The following GPC5 variants were observed in gnomAD, a reference collection of about 807,000 sequenced individuals.
GPC5 encodes the protein glypican 5.
In GPC5, 47 loss-of-function variants were observed where a neutral mutation model predicts 53.9. The observed-to-expected ratio is 0.87, with a 90% CI of 0.69 to 1.11. GPC5 has a LOEUF of 1.11. Ranked by LOEUF, GPC5 falls within the 50% of genes most tolerant of loss-of-function variation. The pLI, the probability that GPC5 is intolerant of heterozygous loss-of-function variation, is 0.00. For missense variants in GPC5, 748 were observed against 713.1 expected, an observed-to-expected ratio of 1.05 and a Z score of -0.56; for synonymous variants, 286 against 263.3, an observed-to-expected ratio of 1.09 and a Z score of -0.84.
chr13:91,666,151 G>C (rs555495899), intron 2 of GPC5, among the ~76,000 whole-genome samples: 1 of 152,252 alleles, frequency 6.6e-6, no homozygotes, highest in South Asian at 2.1e-4. Context: ...ACTTCTGAAG[G>C]CCACTTCCAC....
intron 6 of GPC5, among the ~76,000 whole-genome samples, chr13:91,974,445 A>G (rs1250246293): frequency 1.3e-5 from 2 of 152,040 alleles, no homozygotes; most frequent in African/African-American, 4.8e-5. Context: ...ATCAATGTAC[A>G]AAAATCACAA....
chr13:92,507,766 T>G (rs1880424204), intron 7 of GPC5, among the ~76,000 whole-genome samples: 1 of 152,140 alleles, frequency 6.6e-6, no homozygotes, highest in South Asian at 2.1e-4. Flanking sequence ...GCTTTGCTGA[T>G]TCATAGGAAT....
chr13:92,710,277 A>G (rs1002973073), intron 7 of GPC5, among the ~76,000 whole-genome samples: 4 of 152,128 alleles, frequency 2.6e-5, no homozygotes, highest in African/African-American at 9.6e-5. Flanking sequence ...TGGTATTACT[A>G]ATTCAAAAGA....
intron 2 of GPC5, among the ~76,000 whole-genome samples, chr13:91,562,165 C>A (rs1391179256): frequency 6.9e-5 from 3 of 43,558 alleles, no homozygotes; most frequent in Admixed American, 3.2e-4. Context: ...AACATGTTAT[C>A]AAAAGAGAAA....
intron 7 of GPC5, among the ~76,000 whole-genome samples, chr13:92,677,777 C>G (rs1886995318): frequency 7.0e-6 from 1 of 142,160 alleles, no homozygotes; most frequent in African/African-American, 2.5e-5. Context: ...GACGCCACCC[C>G]ACCCATGTGC....
intron 6 of GPC5, among the ~76,000 whole-genome samples, chr13:92,076,360 C>T (rs930956756): frequency 1.3e-5 from 2 of 152,046 alleles, no homozygotes; most frequent in African/African-American, 2.4e-5. Context: ...CGTGAGCCAC[C>T]GCGCCTGGCG....
intron 6 of GPC5, among the ~76,000 whole-genome samples, chr13:91,987,807 AC>A (rs1162071991): frequency 6.9e-6 from 1 of 145,382 alleles, no homozygotes; most frequent in Non-Finnish European, 1.5e-5. Context: ...ATGTATAAAT[AC>A]CATATATAGT....
intron 7 of GPC5, among the ~76,000 whole-genome samples, chr13:92,401,043 A>C (rs1875533435): frequency 6.6e-6 from 1 of 152,190 alleles, no homozygotes; most frequent in Non-Finnish European, 1.5e-5. Context: ...CAATAATGTA[A>C]AATCATGAAA....
intron 5 of GPC5, among the ~76,000 whole-genome samples, chr13:91,871,915 C>T (rs1016231561): frequency 2.6e-5 from 4 of 151,724 alleles, no homozygotes; most frequent in Admixed American, 6.6e-5. Flanking sequence ...AAAGAAGAAA[C>T]GCAAAATTCT....
At chr13:92,252,732 G>C (rs780027552) in intron 7 of GPC5, among the ~76,000 whole-genome samples, 1 of 152,056 alleles carries the variant, frequency 6.6e-6, no homozygotes, top group Admixed American at 6.6e-5. Context: ...AGTAGGATTT[G>C]GTAATGCACA....
intron 7 of GPC5, among the ~76,000 whole-genome samples, chr13:92,611,154 G>A (rs1884422688): frequency 6.6e-6 from 1 of 152,042 alleles, no homozygotes; most frequent in Admixed American, 6.6e-5. Context: ...AGCAATAACT[G>A]TGGTATGGCA....
chr13:91,473,225 G>A (rs903420736), intron 2 of GPC5, among the ~76,000 whole-genome samples: 2 of 152,074 alleles, frequency 1.3e-5, no homozygotes, highest in African/African-American at 2.4e-5. Flanking sequence ...CCCTTGACAC[G>A]TGGGGATTAT....
intron 5 of GPC5, among the ~76,000 whole-genome samples, chr13:91,799,030 C>T (rs2038092539): frequency 1.3e-5 from 2 of 152,102 alleles, no homozygotes; most frequent in African/African-American, 4.8e-5. Flanking sequence ...GTCACACACA[C>T]TCATATGTTC....
At chr13:92,318,475 A>G (rs552503096) in intron 7 of GPC5, among the ~76,000 whole-genome samples, 20 of 152,340 alleles carry the variant, frequency 1.3e-4, no homozygotes, top group African/African-American at 4.3e-4. Context: ...ACAAATAAGT[A>G]GGAAGCTGTG....
At chr13:92,426,338 C>T (rs561295846) in intron 7 of GPC5, among the ~76,000 whole-genome samples, 1 of 152,168 alleles carries the variant, frequency 6.6e-6, no homozygotes, top group East Asian at 1.9e-4. Flanking sequence ...TGAGCCTGCT[C>T]TTTGCAGATC....
chr13:91,803,108 T>G (rs775381263), intron 5 of GPC5, among the ~76,000 whole-genome samples: 39 of 152,168 alleles, frequency 2.6e-4, no homozygotes, highest in Non-Finnish European at 5.0e-4. Flanking sequence ...TGCTTAACTT[T>G]TAGTAATTAT....
chr13:92,728,759 G>A (rs1034651091), intron 7 of GPC5, among the ~76,000 whole-genome samples: 5 of 151,092 alleles, frequency 3.3e-5, no homozygotes, highest in East Asian at 3.9e-4. Flanking sequence ...TCTAAATTTC[G>A]AACCATTTTA....
At chr13:92,245,777 C>T (rs1273609422) in intron 7 of GPC5, among the ~76,000 whole-genome samples, 1 of 152,014 alleles carries the variant, frequency 6.6e-6, no homozygotes, top group African/African-American at 2.4e-5. Context: ...ATCTATAAAT[C>T]TAATGGATCC....
chr13:92,106,340 A>G (rs555492138), intron 6 of GPC5, among the ~76,000 whole-genome samples: 5 of 152,176 alleles, frequency 3.3e-5, no homozygotes, highest in African/African-American at 1.2e-4. Flanking sequence ...TAAAAGATTG[A>G]GTTAAATTTT....
Sources: gnomAD v4.1 joint callset for allele counts (sites outside exome capture counted in the v4.1 genomes callset) on GRCh38, gnomAD v4.1.1 for gene constraint, MANE v1.5 for transcripts, NCBI Gene and HGNC (gene_info 2026-07-23, HGNC 2026-07-21) for gene names.